MYO3B: variants seen among roughly 807,000 people sequenced by gnomAD.
The protein encoded by MYO3B is myosin-IIIb.
MYO3B carries 156 observed loss-of-function variants against 174.6 expected under a neutral mutation model. The observed-to-expected ratio is 0.89, with a 90% CI of 0.78 to 1.02. The LOEUF (loss-of-function observed/expected upper bound fraction) is 1.02. MYO3B is among the 50% of genes least tolerant of loss of function. The probability of loss-of-function intolerance (pLI) is 0.00; values close to 1 mark genes in which losing one functional copy is unlikely to be tolerated. For missense variants in MYO3B, 1,632 were observed against 1,639.4 expected (o/e 1.00, Z 0.08); for synonymous variants, 563 against 569.1 (o/e 0.99, Z 0.15).
At chr2:170,500,723 G>C (rs772187081) in intron 27 of MYO3B, among the ~76,000 whole-genome samples, 2 of 152,138 alleles carry the variant, frequency 1.3e-5, no homozygotes, top group Non-Finnish European at 2.9e-5. Context: ...GCATCTCCCA[G>C]AATGACTGAG....
chr2:170,306,898 G>A (rs1038735946), intron 7 of MYO3B, among the ~76,000 whole-genome samples: 1 of 152,130 alleles, frequency 6.6e-6, no homozygotes, highest in African/African-American at 2.4e-5. Flanking sequence ...AGAAAACTAC[G>A]TTTTAATTAA....
At chr2:170,509,420 A>G (rs923394345) in intron 28 of MYO3B, among the ~76,000 whole-genome samples, 1 of 152,210 alleles carries the variant, frequency 6.6e-6, no homozygotes, top group Admixed American at 6.5e-5. Context: ...ATTTCTGGAG[A>G]AAAATAGTAC....
intron 32 of MYO3B, among the ~76,000 whole-genome samples, chr2:170,556,964 A>G (rs983408206): frequency 2.0e-5 from 3 of 152,162 alleles, no homozygotes; most frequent in Admixed American, 1.3e-4. Context: ...TTGGTGAGGT[A>G]TCTATTCAGA....
At chr2:170,443,384 G>A (rs1026638448) in intron 22 of MYO3B, among the ~76,000 whole-genome samples, 33 of 152,176 alleles carry the variant, frequency 2.2e-4, no homozygotes. Context: ...ATAGATTCTG[G>A]ATATTAGCCC....
chr2:170,282,067 T>C (rs901677914), intron 7 of MYO3B, among the ~76,000 whole-genome samples: 137 of 152,366 alleles, frequency 9.0e-4, no homozygotes, highest in African/African-American at 2.9e-3. Flanking sequence ...ATCTTCACTC[T>C]GCTGATTATT....
intron 1 of MYO3B, among the ~76,000 whole-genome samples, chr2:170,182,111 T>TA: frequency 6.6e-6 from 1 of 152,294 alleles, no homozygotes; most frequent in East Asian, 1.9e-4. Flanking sequence ...TGTTAGTACT[T>TA]ACAACAATTC....
intron 22 of MYO3B, among the ~76,000 whole-genome samples, chr2:170,409,205 T>TA (rs1442565222): frequency 2.6e-5 from 4 of 152,170 alleles, no homozygotes; most frequent in Non-Finnish European, 4.4e-5. Flanking sequence ...TTTGGCAAAA[T>TA]AAAAACCATT....
intron 12 of MYO3B, among the ~76,000 whole-genome samples, chr2:170,384,287 G>C (rs775244138): frequency 6.6e-6 from 1 of 152,162 alleles, no homozygotes; most frequent in Admixed American, 6.5e-5. Flanking sequence ...AATTGTGATA[G>C]ATTGGGTAGA....
chr2:170,298,839 G>T (rs1486757527), intron 7 of MYO3B, among the ~76,000 whole-genome samples: 1 of 152,058 alleles, frequency 6.6e-6, no homozygotes, highest in Non-Finnish European at 1.5e-5. Flanking sequence ...CCACATATAT[G>T]ACAGTGGTCC....
chr2:170,514,896 A>C, intron 28 of MYO3B, 25 bp from the exon 29 acceptor site: 1 of 1,604,634 alleles, frequency 6.2e-7, no homozygotes, highest in Non-Finnish European at 8.5e-7. Flanking sequence ...TAACCTTGAG[A>C]AAGTCTTTTT....
intron 22 of MYO3B, among the ~76,000 whole-genome samples, chr2:170,436,179 T>C (rs1310880661): frequency 1.3e-5 from 2 of 152,156 alleles, no homozygotes; most frequent in Non-Finnish European, 2.9e-5. Flanking sequence ...ACAGGACACA[T>C]GTTGGTAGTT....
intron 32 of MYO3B, among the ~76,000 whole-genome samples, chr2:170,608,992 T>C (rs1694983577): frequency 6.6e-6 from 1 of 152,186 alleles, no homozygotes; most frequent in Admixed American, 6.5e-5. Context: ...AAGAACAAGT[T>C]AACATGTTTT....
intron 8 of MYO3B, among the ~76,000 whole-genome samples, chr2:170,368,613 CCT>C (rs991734482): frequency 1.3e-5 from 2 of 152,066 alleles, no homozygotes; most frequent in East Asian, 3.9e-4. Flanking sequence ...CTTTTTGTTC[CCT>C]GTTTGTATAA....
chr2:170,574,310 T>C (rs1692652282), intron 32 of MYO3B, among the ~76,000 whole-genome samples: 1 of 152,116 alleles, frequency 6.6e-6, no homozygotes, highest in Non-Finnish European at 1.5e-5. Context: ...GTTATTTGAT[T>C]TATTGAGATC....
At chr2:170,547,480 A>G (rs1485838213) in intron 32 of MYO3B, among the ~76,000 whole-genome samples, 1 of 152,256 alleles carries the variant, frequency 6.6e-6, no homozygotes, top group Non-Finnish European at 1.5e-5. Context: ...TAGGACTGAC[A>G]GCAATGTATA....
At chr2:170,489,821 T>G (rs1287360535) in intron 25 of MYO3B, among the ~76,000 whole-genome samples, 1 of 152,054 alleles carries the variant, frequency 6.6e-6, no homozygotes, top group Non-Finnish European at 1.5e-5. Flanking sequence ...TAGAGGGTAA[T>G]CTGCTTTACT....
chr2:170,565,591 C>T (rs1370076908), intron 32 of MYO3B, among the ~76,000 whole-genome samples: 1 of 152,204 alleles, frequency 6.6e-6, no homozygotes, highest in Non-Finnish European at 1.5e-5. Flanking sequence ...TTCTTGTCAA[C>T]AGTTGTAGCC....
chr2:170,214,280 A>G, intron 3 of MYO3B, 99 bp from the exon 4 acceptor site: 3 of 859,526 alleles, frequency 3.5e-6, no homozygotes, highest in East Asian at 2.6e-5. Context: ...CAAATTTACT[A>G]CATTGAATCA....
At chr2:170,372,646 A>T (rs2094257378) in intron 9 of MYO3B, among the ~76,000 whole-genome samples, 1 of 152,218 alleles carries the variant, frequency 6.6e-6, no homozygotes, top group Admixed American at 6.5e-5. Context: ...GACAAGAATC[A>T]GGTGAGAACA....
Sources: allele counts gnomAD v4.1 joint callset (sites outside exome capture counted in the v4.1 genomes callset), GRCh38; gene constraint gnomAD v4.1.1; transcripts MANE v1.5; gene names NCBI Gene and HGNC (gene_info 2026-07-23, HGNC 2026-07-21).